The following L3MBTL4 variants were observed in gnomAD, a reference collection of about 807,000 sequenced individuals.
L3MBTL4 encodes the protein lethal(3)malignant brain tumor-like protein 4.
Under a neutral mutation model 84.5 loss-of-function variants are expected in L3MBTL4, and 70 were observed. The ratio of observed to expected loss-of-function variants is 0.83; its 90% confidence interval spans 0.68 to 1.01. The LOEUF (loss-of-function observed/expected upper bound fraction) is 1.01, where lower values mean the gene tolerates loss of function less well. L3MBTL4 is among the 50% of genes least tolerant of loss of function. L3MBTL4 has a pLI of 0.00. For missense variants in L3MBTL4, 715 were observed against 754.8 expected (o/e 0.95, Z 0.62); for synonymous variants, 274 against 259.8 (o/e 1.05, Z -0.52).
At chr18:6,395,779 T>C (rs1321395015) in intron 1 of L3MBTL4, 2 of 152,142 alleles carry the variant, frequency 1.3e-5, no homozygotes, top group African/African-American at 4.8e-5. Flanking sequence ...CTACACTCGG[T>C]TTTGTTTTGA....
At chr18:6,202,439 T>C (rs772375590) in intron 12 of L3MBTL4, among the ~76,000 whole-genome samples, 1 of 152,084 alleles carries the variant, frequency 6.6e-6, no homozygotes, top group Non-Finnish European at 1.5e-5. Context: ...GTCCAGTCCA[T>C]ATGTTTAAGA....
intron 16 of L3MBTL4, among the ~76,000 whole-genome samples, chr18:6,045,139 C>T (rs910775626): frequency 1.3e-4 from 20 of 152,190 alleles, no homozygotes; most frequent in African/African-American, 4.6e-4. Flanking sequence ...AGTAACTTTG[C>T]ACCAGATCAT....
chr18:6,280,764 T>G (rs984611527), intron 4 of L3MBTL4, among the ~76,000 whole-genome samples: 1 of 152,184 alleles, frequency 6.6e-6, no homozygotes, highest in Non-Finnish European at 1.5e-5. Flanking sequence ...CTTTCCCAGC[T>G]GTGGCCAGAG....
intron 14 of L3MBTL4, among the ~76,000 whole-genome samples, chr18:6,098,977 G>A (rs934360308): frequency 2.0e-5 from 3 of 152,174 alleles, no homozygotes; most frequent in Non-Finnish European, 4.4e-5. Context: ...AGAGGGCACT[G>A]AGACTTGGCA....
At chr18:6,103,052 G>A (rs565606514) in intron 14 of L3MBTL4, among the ~76,000 whole-genome samples, 22 of 152,278 alleles carry the variant, frequency 1.4e-4, no homozygotes, top group Non-Finnish European at 2.8e-4. Flanking sequence ...GTGCTATGTA[G>A]CAACACTAAT....
At chr18:6,209,678 C>T (rs1471900355) in intron 12 of L3MBTL4, among the ~76,000 whole-genome samples, 1 of 152,112 alleles carries the variant, frequency 6.6e-6, no homozygotes, top group Non-Finnish European at 1.5e-5. Flanking sequence ...CATACGTCCA[C>T]ACAAAAACAT....
chr18:5,992,328 C>T (rs1338574554), intron 16 of L3MBTL4, among the ~76,000 whole-genome samples: 1 of 152,042 alleles, frequency 6.6e-6, no homozygotes. Context: ...GGGGCCTGGG[C>T]CACAGGGTGT....
At chr18:5,985,121 A>T (rs1286038275) in intron 16 of L3MBTL4, among the ~76,000 whole-genome samples, 1 of 152,124 alleles carries the variant, frequency 6.6e-6, no homozygotes, top group Non-Finnish European at 1.5e-5. Context: ...GCTCTTACCT[A>T]CTCAAGGTTC....
At position 6,089,169 on chromosome 18, in the gene L3MBTL4, T is replaced by C. The variant is rs1053987409; in HGVS notation, c.1373+4186A>G. Among the ~76,000 whole-genome samples, 8 of 152,114 alleles carry C rather than the reference T, an allele frequency of 5.3e-5. No individual in the cohort carries two copies. The South Asian group carries it at 1.5e-3, about 28-fold the overall frequency. On this transcript the variant is annotated intron_variant, in intron 15 of 18. Transcript: ENST00000317931. ...TGGGGAAACCAGCTAATAGACAATA[T>C]GGGGAGTAGAGGGGAGCTGCATTCC... is the stretch of plus-strand genomic sequence containing the variant.
chr18:6,152,322 C>G (rs1415675754), intron 13 of L3MBTL4, among the ~76,000 whole-genome samples: 1 of 151,826 alleles, frequency 6.6e-6, no homozygotes, highest in East Asian at 1.9e-4. Context: ...TTTTCCATAA[C>G]AGCTATACCA....
chr18:6,246,889 G>T (rs1599323814), intron 5 of L3MBTL4, among the ~76,000 whole-genome samples: 1 of 151,740 alleles, frequency 6.6e-6, no homozygotes, highest in Non-Finnish European at 1.5e-5. Flanking sequence ...GGATGACAGA[G>T]TGAAACTCCA....
chr18:5,988,940 C>T (rs956450072), intron 16 of L3MBTL4, among the ~76,000 whole-genome samples: 4 of 152,202 alleles, frequency 2.6e-5, no homozygotes, highest in African/African-American at 7.2e-5. Context: ...CTGTGAGGAG[C>T]GCTTCTATAC....
chr18:6,255,810 GCAAA>G (rs1330138634), intron 5 of L3MBTL4, among the ~76,000 whole-genome samples: 1 of 147,452 alleles, frequency 6.8e-6, no homozygotes, highest in Non-Finnish European at 1.5e-5. Context: ...AGGTAGACAA[GCAAA>G]CAGTTTAGGC....
At chr18:6,264,902 C>G (rs1008646777) in intron 4 of L3MBTL4, among the ~76,000 whole-genome samples, 3 of 152,204 alleles carry the variant, frequency 2.0e-5, no homozygotes, top group African/African-American at 7.2e-5. Context: ...TCCTAGAATC[C>G]CACATCAAAT....
intron 14 of L3MBTL4, among the ~76,000 whole-genome samples, chr18:6,130,379 G>A (rs2059837132): frequency 6.6e-6 from 1 of 152,054 alleles, no homozygotes; most frequent in Non-Finnish European, 1.5e-5. Context: ...TGAATAGAGG[G>A]TGAGTTGTCC....
At chr18:6,170,146 C>A (rs1195412707) in intron 13 of L3MBTL4, among the ~76,000 whole-genome samples, 2 of 152,074 alleles carry the variant, frequency 1.3e-5, no homozygotes, top group African/African-American at 2.4e-5. Flanking sequence ...ACTAAGCAAG[C>A]TTTAAACTGA....
At chr18:6,161,932 A>AATAT (rs59634971) in intron 13 of L3MBTL4, among the ~76,000 whole-genome samples, 38 of 149,596 alleles carry the variant, frequency 2.5e-4, no homozygotes, top group African/African-American at 8.8e-4. Flanking sequence ...TTATATATAA[A>AATAT]ATATATATAT....
At chr18:6,224,162 C>T (rs1170592010) in intron 10 of L3MBTL4, among the ~76,000 whole-genome samples, 1 of 152,076 alleles carries the variant, frequency 6.6e-6, no homozygotes, top group Non-Finnish European at 1.5e-5. Flanking sequence ...CCAAGGCGAA[C>T]AGGTAAAAAG....
intron 9 of L3MBTL4, among the ~76,000 whole-genome samples, chr18:6,239,116 C>T (rs1374327919): frequency 2.0e-5 from 3 of 151,792 alleles, no homozygotes; most frequent in Non-Finnish European, 2.9e-5. Flanking sequence ...CCGAGGCGGG[C>T]GGATCACGAG....
Sources: allele counts gnomAD v4.1 joint callset (sites outside exome capture counted in the v4.1 genomes callset), GRCh38; gene constraint gnomAD v4.1.1; transcripts MANE v1.5; gene names NCBI Gene and HGNC (gene_info 2026-07-23, HGNC 2026-07-21).